Variants in ARHGAP15 observed in about 807,000 individuals in gnomAD.
ARHGAP15 encodes the protein Rho GTPase activating protein 15.
In ARHGAP15, 51 loss-of-function variants were observed where a neutral mutation model predicts 63.7. The ratio of observed to expected loss-of-function variants is 0.80; its 90% CI spans 0.64 to 1.01. The LOEUF (loss-of-function observed/expected upper bound fraction) is 1.01. Among genes scored for constraint, ARHGAP15 ranks in the 50% least tolerant of loss-of-function variants. The pLI is 0.00. For synonymous variants in ARHGAP15, 191 were observed against 193.8 expected, an observed-to-expected ratio of 0.99 and a Z score of 0.12; for missense variants, 560 against 564.6, an observed-to-expected ratio of 0.99 and a Z score of 0.08.
At chr2:143,193,144 C>G (rs903840179) in intron 2 of ARHGAP15, among the ~76,000 whole-genome samples, 2 of 152,098 alleles carry the variant, frequency 1.3e-5, no homozygotes, top group Non-Finnish European at 2.9e-5. Context: ...CAGGGAAGCA[C>G]AGAGGACAGA....
At chr2:143,250,962 C>T (rs1473511142) in intron 6 of ARHGAP15, among the ~76,000 whole-genome samples, 1 of 151,862 alleles carries the variant, frequency 6.6e-6, no homozygotes, top group Non-Finnish European at 1.5e-5. Context: ...CAAGTATAAG[C>T]TATTTACATT....
chr2:143,328,400 C>A, intron 6 of ARHGAP15, among the ~76,000 whole-genome samples: 1 of 152,188 alleles, frequency 6.6e-6, no homozygotes, highest in East Asian at 1.9e-4. Context: ...CCATGGAATA[C>A]TATGCCACCA....
intron 2 of ARHGAP15, among the ~76,000 whole-genome samples, chr2:143,197,106 A>T (rs1375595372): frequency 1.3e-5 from 2 of 151,978 alleles, no homozygotes; most frequent in Admixed American, 6.6e-5. Context: ...GATACATTTT[A>T]AAAGTTCTGA....
chr2:143,245,687 AG>A (rs1694023636), intron 5 of ARHGAP15, among the ~76,000 whole-genome samples: 1 of 151,326 alleles, frequency 6.6e-6, no homozygotes, highest in Admixed American at 6.6e-5. Context: ...TTTGAGGGGG[AG>A]AAAGTAGAAC....
At chr2:143,188,465 T>C (rs1474092587) in intron 2 of ARHGAP15, among the ~76,000 whole-genome samples, 1 of 151,856 alleles carries the variant, frequency 6.6e-6, no homozygotes, top group African/African-American at 2.4e-5. Flanking sequence ...AGTGCCTCCT[T>C]TTAAAAAATT....
In ARHGAP15 at chr2:143,673,602, A is replaced by T. The variant is rs147358074; in HGVS notation, c.1139-29817A>T. Among the ~76,000 whole-genome samples the T allele has an allele frequency of 8.5e-4, 128 of 151,210 alleles. 2 individuals carry two copies. In the South Asian group the frequency reaches 0.026, roughly 31 times the overall value. On this transcript the variant is annotated intron_variant, in intron 12 of 13. Transcript: ENST00000295095. ...TGTGAGCCACCACACCCGGCCTACCACAATCTTAATGTAAAAATATAAATT... is the reference window on the plus strand; with the variant it reads ...TGTGAGCCACCACACCCGGCCTACCTCAATCTTAATGTAAAAATATAAATT...
intron 4 of ARHGAP15, among the ~76,000 whole-genome samples, chr2:143,226,663 G>A (rs530386520): frequency 1.3e-5 from 2 of 152,162 alleles, no homozygotes; most frequent in South Asian, 4.2e-4. Context: ...TTTCTTTCTG[G>A]GTTTTGTTTT....
At chr2:143,412,353 G>C (rs1688483118) in intron 6 of ARHGAP15, among the ~76,000 whole-genome samples, 1 of 97,268 alleles carries the variant, frequency 1.0e-5, no homozygotes, top group African/African-American at 3.6e-5. Context: ...TCAAATACAT[G>C]ATTTCTTGTA....
intron 6 of ARHGAP15, among the ~76,000 whole-genome samples, chr2:143,336,034 C>A (rs902108777): frequency 6.6e-6 from 1 of 151,898 alleles, no homozygotes; most frequent in Non-Finnish European, 1.5e-5. Context: ...CGGTTCTCAC[C>A]ATGTCACCCA....
chr2:143,332,626 C>T (rs559799632), intron 6 of ARHGAP15, among the ~76,000 whole-genome samples: 1 of 152,246 alleles, frequency 6.6e-6, no homozygotes, highest in South Asian at 2.1e-4. Context: ...TGATGACATA[C>T]TTATGAATTC....
intron 6 of ARHGAP15, among the ~76,000 whole-genome samples, chr2:143,274,104 C>A (rs1045971561): frequency 2.6e-5 from 4 of 151,978 alleles, no homozygotes; most frequent in African/African-American, 9.7e-5. Flanking sequence ...ATCTTGTTAC[C>A]TTTGTCAGTT....
intron 11 of ARHGAP15, among the ~76,000 whole-genome samples, chr2:143,606,060 A>AACAAAAC (rs1698009607): frequency 2.4e-5 from 2 of 84,636 alleles, no homozygotes; most frequent in African/African-American, 7.0e-5. Flanking sequence ...AAAAAAAAAA[A>AACAAAAC]AAAAAAAAAA....
chr2:143,369,707 A>G (rs1686458311), intron 6 of ARHGAP15, among the ~76,000 whole-genome samples: 1 of 152,258 alleles, frequency 6.6e-6, no homozygotes, highest in South Asian at 2.1e-4. Context: ...ATCCATTGTT[A>G]TATACTGAGA....
At chr2:143,719,753 G>A (rs1458483668) in intron 13 of ARHGAP15, among the ~76,000 whole-genome samples, 1 of 152,102 alleles carries the variant, frequency 6.6e-6, no homozygotes, top group Non-Finnish European at 1.5e-5. Flanking sequence ...TGGGAAAAAA[G>A]AAATAAATGT....
chr2:143,236,041 C>A, intron 5 of ARHGAP15: 2 of 1,509,156 alleles, frequency 1.3e-6, no homozygotes, highest in Non-Finnish European at 1.8e-6. Flanking sequence ...TGATGGATTG[C>A]ATCATAGAGA....
chr2:143,330,454 TAA>T (rs1428355969), intron 6 of ARHGAP15, among the ~76,000 whole-genome samples: 6 of 152,156 alleles, frequency 3.9e-5, no homozygotes, highest in Admixed American at 6.5e-5. Context: ...TAATTTGTGT[TAA>T]GTTTATAAGA....
chr2:143,446,446 T>TAATTA (rs1266059230), intron 8 of ARHGAP15, among the ~76,000 whole-genome samples: 1 of 152,086 alleles, frequency 6.6e-6, no homozygotes, highest in African/African-American at 2.4e-5. Flanking sequence ...TTTGAAGGCT[T>TAATTA]AATTTCTTAA....
At chr2:143,501,249 C>G (rs186341017) in intron 9 of ARHGAP15, among the ~76,000 whole-genome samples, 5 of 152,312 alleles carry the variant, frequency 3.3e-5, no homozygotes, top group African/African-American at 4.8e-5. Context: ...TTCATTCATT[C>G]CCTGGACAGT....
chr2:143,187,472 T>C (rs1275231923), intron 2 of ARHGAP15, among the ~76,000 whole-genome samples: 1 of 152,184 alleles, frequency 6.6e-6, no homozygotes, highest in Non-Finnish European at 1.5e-5. Flanking sequence ...CTAGCTAACA[T>C]CATTGAGCAC....
Sources: allele counts gnomAD v4.1 joint callset (sites outside exome capture counted in the v4.1 genomes callset), GRCh38; gene constraint gnomAD v4.1.1; transcripts MANE v1.5; gene names NCBI Gene and HGNC (gene_info 2026-07-23, HGNC 2026-07-21).